Variants in CFAP410 observed in about 807,000 individuals in gnomAD.
The protein encoded by CFAP410 is cilia and flagella associated protein 410, also known as cilia- and flagella-associated protein 410.
In CFAP410, 27 loss-of-function variants were observed where a neutral mutation model predicts 25.7. That is an observed-to-expected ratio of 1.05 (90% CI 0.77 to 1.45). The LOEUF (loss-of-function observed/expected upper bound fraction) is 1.45, where lower values mean the gene tolerates loss of function less well. Ranked by LOEUF, CFAP410 falls within the 40% of genes most tolerant of loss-of-function variation. The pLI is 0.00. For synonymous variants in CFAP410, 178 were observed against 158.4 expected, an observed-to-expected ratio of 1.12 and a Z score of -0.93; for missense variants, 428 against 354.1, an observed-to-expected ratio of 1.21 and a Z score of -1.67.
In CFAP410 at chr21:44,330,282, T is replaced by C; in HGVS notation, c.687A>G (p.Ala229=). ...AILLLLRELD[A]EGLEAVQQTV... Reference sequence around the variant, plus strand: ...TCTGCTGCACGGCCTCCAGCCCCTCTGCATCCAGCTCCCGCAGCAGCAGCA... The same window carrying C: ...TCTGCTGCACGGCCTCCAGCCCCTCCGCATCCAGCTCCCGCAGCAGCAGCA... Residue 229 remains alanine, a synonymous_variant, in exon 7 of 7, where the codon GCA becomes GCG. Transcript: ENST00000339818. 1 of 1,609,020 alleles carries C rather than the reference T, an allele frequency of 6.2e-7. No homozygotes were observed. The highest frequency in any genetic ancestry group is 8.5e-7 in the Non-Finnish European group (1 of 1,178,718).
intron 4 of CFAP410, chr21:44,332,599 C>G (rs554105334): frequency 5.7e-6 from 1 of 176,946 alleles, no homozygotes; most frequent in Non-Finnish European, 1.2e-5. Context: ...ACGGCAGGGG[C>G]GCGATGGCAC....
intron 2 of CFAP410, among the ~76,000 whole-genome samples, chr21:44,336,173 G>A (rs1413147089): frequency 1.3e-5 from 2 of 152,158 alleles, no homozygotes; most frequent in Admixed American, 1.3e-4. Flanking sequence ...ATGCCCACGA[G>A]TATGCCAGGT....
At chr21:44,334,493 C>G (rs1163786561) in intron 3 of CFAP410, 3 of 342,646 alleles carry the variant, frequency 8.8e-6, no homozygotes, top group Non-Finnish European at 1.7e-5. Flanking sequence ...CGCACCCCCC[C>G]TCAACCTCTG....
chr21:44,339,065 C>G, intron 1 of CFAP410, 53 bp downstream of exon 1: 2 of 1,183,222 alleles, frequency 1.7e-6, no homozygotes, highest in Non-Finnish European at 2.2e-6. Context: ...GCCCTCGCCC[C>G]GCCCCGGCTC....
At chr21:44,332,206 G>A in intron 4 of CFAP410, 192 bp from the exon 5 acceptor site, 1 of 539,412 alleles carries the variant, frequency 1.9e-6, no homozygotes, top group Non-Finnish European at 3.2e-6. Context: ...CCTGGCACAG[G>A]CTGACACACA....
chr21:44,331,433 T>G lies in CFAP410; in HGVS notation c.545+410A>C, dbSNP rs149699846. On this transcript the variant is annotated intron_variant, in intron 5 of 6. Coordinates refer to ENST00000339818, the MANE Select transcript of CFAP410 (RefSeq NM_004928.3). ...GCGTCTCACTGCAGAGTCAGCCCTG[T>G]GGCCCCTCCACGGCCCCCAGGCCCA... The G allele has an allele frequency of 1.3e-3, 326 of 255,532 alleles. 1 individual carries two copies. The highest frequency in any genetic ancestry group is 6.9e-3 in the African/African-American group (304 of 43,836). The allele number at this position is 255,532 out of a possible 1,614,324, so 15.8% of individuals were successfully genotyped here. A position where few individuals can be genotyped will look rare whatever the true frequency, so the allele number is the denominator to read the frequency against.
chr21:44,332,760 C>T, intron 4 of CFAP410: 1 of 525,798 alleles, frequency 1.9e-6, no homozygotes, highest in Non-Finnish European at 3.4e-6. Context: ...AAGAAGGAAC[C>T]CTTTTGCTTT....
intron 6 of CFAP410, 109 bp from the exon 7 acceptor site, chr21:44,330,435 G>A (rs755475533): frequency 4.3e-5 from 67 of 1,546,486 alleles, no homozygotes; most frequent in East Asian, 7.0e-5. Flanking sequence ...GACTGGTCCC[G>A]GGGGTGTGGG....
chr21:44,330,798 CG>C, intron 6 of CFAP410, 24 bp downstream of exon 6: 1 of 1,570,050 alleles, frequency 6.4e-7, no homozygotes, highest in Non-Finnish European at 8.6e-7. Flanking sequence ...GAGGCAGCCG[CG>C]GCCCCTAGCG....
intron 2 of CFAP410, among the ~76,000 whole-genome samples, chr21:44,337,083 T>TAAA (rs35988245): frequency 0.21 from 25,888 of 121,290 alleles, 2,601 homozygotes; most frequent in South Asian, 0.35. Context: ...AGACTCCGTG[T>TAAA]AAAAAAAAAA....
intron 2 of CFAP410, among the ~76,000 whole-genome samples, chr21:44,337,290 G>C (rs901982880): frequency 1.3e-5 from 2 of 152,202 alleles, no homozygotes; most frequent in Non-Finnish European, 2.9e-5. Context: ...AGAAGAGGGG[G>C]TGTAGACCTT....
chr21:44,337,578 G>T, intron 2 of CFAP410, 71 bp downstream of exon 2: 1 of 1,380,778 alleles, frequency 7.2e-7, no homozygotes, highest in South Asian at 1.2e-5. Context: ...TGGGAAAGAA[G>T]CTACAACATT....
At chr21:44,333,822 G>A (rs2047697867) in intron 3 of CFAP410, 2 of 345,782 alleles carry the variant, frequency 5.8e-6, no homozygotes, top group Non-Finnish European at 1.1e-5. Context: ...ACCCTGCAGC[G>A]TGGGGTCCGT....
In CFAP410 at chr21:44,339,222, CG is replaced by C; in HGVS notation, c.-29del. The C allele has an allele frequency of 7.2e-7, 1 of 1,388,488 alleles. No homozygotes were observed. Among genetic ancestry groups the C allele is most frequent in the Non-Finnish European group, 9.4e-7 (1 of 1,059,432 alleles). 86.0% of individuals were successfully genotyped at this position (1,388,488 alleles called of 1,614,324 possible). A position where few individuals can be genotyped will look rare whatever the true frequency, so the allele number is the denominator to read the frequency against. Reference sequence around the variant, plus strand: ...CGGCCGCCCAGGCCCGACCGGCGGGCGCCCCCGGCCTCCTGATCCCGGGCGG... The same window carrying C: ...CGGCCGCCCAGGCCCGACCGGCGGGCCCCCCGGCCTCCTGATCCCGGGCGG... On this transcript the variant is annotated 5_prime_UTR_variant, in exon 1 of 7. Transcript: ENST00000339818.
At chr21:44,338,263 G>A (rs1283136829) in intron 1 of CFAP410, 11 of 1,282,422 alleles carry the variant, frequency 8.6e-6, no homozygotes, top group African/African-American at 1.5e-5. Flanking sequence ...CCCCTGGGAG[G>A]AAGCGTCTGC....
In CFAP410 at chr21:44,331,874, G is replaced by A. The variant is rs139038672; in HGVS notation, c.514C>T (p.Arg172Trp). 122 of 1,612,130 alleles carry A rather than the reference G, an allele frequency of 7.6e-5. No individual in the cohort carries two copies. Among genetic ancestry groups the A allele is most frequent in the East Asian group, 6.7e-5 (3 of 44,856 alleles). The part of the protein sequence containing the change: ...SSLSSAAETG[R>W]DPLDSEEEAT... ...TCCTCCTCGCTGTCCAGCGGGTCCC[G>A]GCCAGTCTCAGCAGCGGAGCTGAGG... Residue 172 changes from arginine (R) to tryptophan (W), a missense_variant, in exon 5 of 7, where the codon CGG (arginine) becomes TGG (tryptophan). Arg to Trp is a moderately radical substitution (Grantham distance 101). Coordinates refer to ENST00000339818, the MANE Select transcript of CFAP410 (RefSeq NM_004928.3).
chr21:44,335,685 C>G, intron 3 of CFAP410, 73 bp downstream of exon 3: 1 of 1,162,442 alleles, frequency 8.6e-7, no homozygotes, highest in Non-Finnish European at 1.3e-6. Context: ...AGTGCTGGGT[C>G]CCACTGGAGG....
chr21:44,334,042 T>C (rs958593327), intron 3 of CFAP410: 2 of 451,880 alleles, frequency 4.4e-6, no homozygotes, highest in African/African-American at 2.0e-5. Flanking sequence ...CTCCTAGCTA[T>C]GAGGCCGCCC....
In CFAP410 at chr21:44,330,224, C is replaced by G; in HGVS notation, c.745G>C (p.Glu249Gln). 6.3e-7 allele frequency: 1 copy of G among 1,581,494 alleles called. No individual in the cohort carries two copies. The change falls in exon 7 of 7, where the codon GAA (glutamate) becomes CAA (glutamine). Residue 249 changes from glutamate (E) to glutamine (Q), a missense_variant. Glu to Gln is a conservative substitution (Grantham distance 29). Transcript: ENST00000339818. ...VGSRLQALRG[E>Q]EVQEHAE ...CACTCGGCGTGCTCCTGCACCTCTT[C>G]CCCACGCAGGGCCTGCAGCCGGCTG...
Sources: gnomAD v4.1 joint callset for allele counts (sites outside exome capture counted in the v4.1 genomes callset) on GRCh38, gnomAD v4.1.1 for gene constraint, MANE v1.5 for transcripts, NCBI Gene and HGNC (gene_info 2026-07-23, HGNC 2026-07-21) for gene names.